Variants in ZNFX1 observed in about 807,000 individuals in gnomAD.
ZNFX1 encodes NFX1-type zinc finger-containing protein 1.
Under a neutral mutation model 179.8 loss-of-function variants are expected in ZNFX1, and 78 were observed. The observed-to-expected ratio is 0.43, with a 90% CI of 0.36 to 0.52. The LOEUF (loss-of-function observed/expected upper bound fraction) is 0.52. Among genes scored for constraint, ZNFX1 ranks in the 20% least tolerant of loss-of-function variants. The pLI, the probability that ZNFX1 is intolerant of heterozygous loss-of-function variation, is 0.00. For missense variants in ZNFX1, 1,927 were observed against 2,386.6 expected (o/e 0.81, Z 4.01); for synonymous variants, 848 against 868.5 (o/e 0.98, Z 0.42).
In ZNFX1 at chr20:49,271,769, T is replaced by G. The variant is rs774824088; in HGVS notation, c.62-19A>C. ...ACAGGGCCTAAACACAATGAAATAT[T>G]GAGTAACCACAAGAACCAAGTTCTG... On this transcript the variant is annotated intron_variant, in intron 2 of 13. Transcript: ENST00000396105. 2 of 1,574,706 alleles carry G rather than the reference T, an allele frequency of 1.3e-6. No individual in the cohort carries two copies. The highest frequency in any genetic ancestry group is 4.5e-5 in the East Asian group (2 of 44,376).
chr20:49,254,604 G>A lies in ZNFX1; in HGVS notation c.2850C>T (p.Leu950=). 1 of 1,614,184 alleles carries A rather than the reference G, an allele frequency of 6.2e-7. No individual in the cohort carries two copies. The highest frequency in any genetic ancestry group is 8.5e-7 in the Non-Finnish European group (1 of 1,180,038). The change falls in exon 10 of 14, where the codon CTC becomes CTT. Residue 950 remains leucine, a synonymous_variant. Transcript: ENST00000396105. Reference sequence around the variant, plus strand: ...ATGTGCGGTACTGGCGTTCATAGCTGAGGATCTTCCGGCGGGTGTCAGCCT... The same window carrying A: ...ATGTGCGGTACTGGCGTTCATAGCTAAGGATCTTCCGGCGGGTGTCAGCCT... ...LYQADTRRKI[L]SYERQYRTSA... is the part of the protein sequence containing the mutation.
chr20:49,247,653 C>T lies in ZNFX1; in HGVS notation c.5371G>A (p.Val1791Ile). ...KDSIAVEVYS[V>I]QNILEKTCKF... ...CATGTTTTCTCAAGGATATTCTGGA[C>T]ACTATAGACCTCTACTGCTATGCTA... Residue 1791 changes from valine (V) to isoleucine (I), a missense_variant, in exon 14 of 14, where the codon GTC becomes ATC. Val to Ile is a conservative substitution (Grantham distance 29). Coordinates refer to ENST00000396105, the MANE Select transcript of ZNFX1 (RefSeq NM_021035.3). The T allele has an allele frequency of 1.9e-6, 3 of 1,614,220 alleles. No individual in the cohort carries two copies. The highest frequency in any genetic ancestry group is 2.5e-6 in the Non-Finnish European group (3 of 1,180,046).
Position 49,257,664 on chromosome 20 carries a change from G to T in ZNFX1, c.2417C>A (p.Ala806Asp). The T allele has an allele frequency of 6.2e-7, 1 of 1,612,830 alleles. No homozygotes were observed. The stretch of plus-strand genomic sequence containing the variant: ...TTCCTCCTCATCCCCTTCTGCCTGG[G>T]CTAAGAGAGAGAAACAGGCAGGAGA... The part of the protein sequence containing the change: ...SVSPAGPENT[A>D]QAEGDEEEEG... The change falls in exon 8 of 14, where the codon GCC (alanine) becomes GAC (aspartate). Residue 806 changes from alanine (A) to aspartate (D), a missense_variant and splice_region_variant. Coordinates refer to ENST00000396105, the MANE Select transcript of ZNFX1 (RefSeq NM_021035.3).
chr20:49,256,626 G>A (rs945106205), intron 8 of ZNFX1, among the ~76,000 whole-genome samples: 26 of 152,154 alleles, frequency 1.7e-4, no homozygotes, highest in African/African-American at 5.6e-4. Context: ...AGATCTTCCC[G>A]CTGCTTCAAA....
rs770369042 is a variant in ZNFX1, at chr20:49,249,049, G to T, written c.3975C>A (p.Val1325=). 11 of 1,614,122 alleles carry T rather than the reference G, an allele frequency of 6.8e-6. No individual in the cohort carries two copies. In the East Asian group the frequency reaches 2.4e-4, roughly 36 times the overall value. ...GACACCGGTGCCCTTCCTGACAGAT[G>T]ACCTTCTGGCATGGCTTCATGCATT... ...EFQCMKPCQK[V]ICQEGHRCPL... is the part of the protein sequence containing the mutation. Residue 1325 remains valine (V), a synonymous_variant, in exon 14 of 14, where the codon GTC becomes GTA. Transcript: ENST00000396105.
chr20:49,249,609 C>G lies in ZNFX1; in HGVS notation c.3415G>C (p.Glu1139Gln). The change falls in exon 14 of 14, where the codon GAG becomes CAG. Residue 1139 changes from glutamate (E) to glutamine (Q), a missense_variant. Transcript: ENST00000396105. ...QNQHEAHFVVELCKYFLCQEY... is the reference protein window; with the variant it reads ...QNQHEAHFVVQLCKYFLCQEY... ...TGGCACAGGAAGTACTTGCACAGCT[C>G]TACCACAAAGTGAGCCTCATGCTGG... 6.2e-7 allele frequency: 1 copy of G among 1,614,234 alleles called. No individual in the cohort carries two copies. Among genetic ancestry groups the G allele is most frequent in the Non-Finnish European group, 8.5e-7 (1 of 1,180,044 alleles).
chr20:49,255,126 C>T (rs1158773962), intron 9 of ZNFX1, among the ~76,000 whole-genome samples: 1 of 150,890 alleles, frequency 6.6e-6, no homozygotes, highest in Non-Finnish European at 1.5e-5. Flanking sequence ...CTCACTACAA[C>T]CTCCACCTCC....
chr20:49,249,336 A>G lies in ZNFX1; in HGVS notation c.3688T>C (p.Cys1230Arg). The G allele has an allele frequency of 6.2e-7, 1 of 1,614,268 alleles. No homozygotes were observed. The highest frequency in any genetic ancestry group is 8.5e-7 in the Non-Finnish European group (1 of 1,180,050). Residue 1230 changes from cysteine (C) to arginine (R), a missense_variant, in exon 14 of 14, where the codon TGC becomes CGC. Cys to Arg is a radical substitution (Grantham distance 180). Coordinates refer to ENST00000396105, the MANE Select transcript of ZNFX1 (RefSeq NM_021035.3). ...GCCAGCATCTGCATGTTTCCGATGC[A>G]GTACATTCCCTTCTTGGCTCGGGAC... ...ALSRAKKGMY[C>R]IGNMQMLAKV...
In ZNFX1 at chr20:49,270,671, C is replaced by T. The variant is rs752089559; in HGVS notation, c.1141G>A (p.Val381Ile). 3.1e-5 allele frequency: 50 copies of T among 1,614,016 alleles called. No individual in the cohort carries two copies. The highest frequency in any genetic ancestry group is 1.6e-4 in the African/African-American group (12 of 74,892). Reference sequence around the variant, plus strand: ...AAAATACCTTCCCGTAAAGGTCTGACGAAATCTTCTCGCAGGAGCCGGAAG... The same window carrying T: ...AAAATACCTTCCCGTAAAGGTCTGATGAAATCTTCTCGCAGGAGCCGGAAG... ...THFRLLREDF[V>I]RPLREGILEL... The change falls in exon 3 of 14, where the codon GTC (valine) becomes ATC (isoleucine). Residue 381 changes from valine (V) to isoleucine (I), a missense_variant. Transcript: ENST00000396105. This position sits in a 1 kb window ranked among gnomAD's most constrained non-coding sequence, Gnocchi z 4.6.
intron 2 of ZNFX1, 146 bp from the exon 3 acceptor site, chr20:49,271,896 A>ACT: frequency 1.3e-5 from 12 of 945,046 alleles, no homozygotes; most frequent in Non-Finnish European, 1.5e-5. Flanking sequence ...ACCAAGTCAT[A>ACT]TGATAAATGA....
chr20:49,267,179 A>G (rs937270116), intron 3 of ZNFX1, among the ~76,000 whole-genome samples: 4 of 152,190 alleles, frequency 2.6e-5, no homozygotes, highest in Non-Finnish European at 5.9e-5. Context: ...TACAGGCGTG[A>G]GCCACCATGC....
chr20:49,252,879 A>C (rs761772646), intron 11 of ZNFX1, 49 bp from the exon 12 acceptor site: 1 of 1,412,498 alleles, frequency 7.1e-7, no homozygotes, highest in African/African-American at 1.4e-5. Context: ...AAGTCATTTA[A>C]CCATCCATAC....
At position 49,249,049 on chromosome 20, in the gene ZNFX1, G is replaced by A. The variant is rs770369042; in HGVS notation, c.3975C>T (p.Val1325=). 3.1e-6 allele frequency: 5 copies of A among 1,614,122 alleles called. No homozygotes were observed. Among genetic ancestry groups the A allele is most frequent in the Non-Finnish European group, 2.5e-6 (3 of 1,180,046 alleles). Residue 1325 remains valine (V), a synonymous_variant, in exon 14 of 14, where the codon GTC becomes GTT. Coordinates refer to ENST00000396105, the MANE Select transcript of ZNFX1 (RefSeq NM_021035.3). ...GACACCGGTGCCCTTCCTGACAGAT[G>A]ACCTTCTGGCATGGCTTCATGCATT... ...EFQCMKPCQK[V]ICQEGHRCPL...
chr20:49,271,724 TTGG>T lies in ZNFX1; in HGVS notation c.85_87del (p.Pro29del), dbSNP rs1981408966. 6.2e-7 allele frequency: 1 copy of T among 1,613,288 alleles called. No homozygotes were observed. The highest frequency in any genetic ancestry group is 1.3e-5 in the African/African-American group (1 of 74,886). On this transcript the variant is annotated inframe_deletion, in exon 3 of 14. Coordinates refer to ENST00000396105, the MANE Select transcript of ZNFX1 (RefSeq NM_021035.3). ...GGGTTATTGGCCTGATTTCTAGCTC[TTGG>T]TGGTAACTCTCCATCCACAGGGCCT...
chr20:49,250,213 C>A (rs1384517136), intron 13 of ZNFX1, among the ~76,000 whole-genome samples: 1 of 152,126 alleles, frequency 6.6e-6, no homozygotes, highest in Non-Finnish European at 1.5e-5. Context: ...CGAGATCATG[C>A]CACTGCACTC....
chr20:49,268,912 G>A (rs545941724), intron 3 of ZNFX1, among the ~76,000 whole-genome samples: 2 of 152,356 alleles, frequency 1.3e-5, no homozygotes, highest in South Asian at 4.1e-4. Flanking sequence ...TGGTGGGAAT[G>A]TACATTAGTT....
Position 49,275,893 on chromosome 20 carries a change from CAT to C in ZNFX1, c.-48-8_-48-7del, listed in dbSNP as rs1454302392. The C allele has an allele frequency of 3.0e-5, 48 of 1,592,550 alleles. No individual in the cohort carries two copies. Among genetic ancestry groups the C allele is most frequent in the Admixed American group, 6.7e-5 (4 of 59,898 alleles). On this transcript the variant is annotated splice_polypyrimidine_tract_variant and splice_region_variant and intron_variant, in intron 1 of 13. Transcript: ENST00000396105. ...ACTTTCTGTTATCTGGAAAACTGCA[CAT>C]GTTGAGTTATCAGTGTCCTCGAAAC...
At position 49,254,608 on chromosome 20, in the gene ZNFX1, A is replaced by C; in HGVS notation, c.2846T>G (p.Ile949Ser). The C allele has an allele frequency of 6.2e-7, 1 of 1,614,098 alleles. No individual in the cohort carries two copies. The highest frequency in any genetic ancestry group is 1.1e-5 in the South Asian group (1 of 91,086). ...GCGGTACTGGCGTTCATAGCTGAGG[A>C]TCTTCCGGCGGGTGTCAGCCTGGTA... Reference protein sequence around the residue: ...QLYQADTRRKILSYERQYRTS... With the variant: ...QLYQADTRRKSLSYERQYRTS... The change falls in exon 10 of 14, where the codon ATC becomes AGC. Residue 949 changes from isoleucine to serine, a missense_variant. Transcript: ENST00000396105.
intron 1 of ZNFX1, among the ~76,000 whole-genome samples, chr20:49,276,827 C>T (rs1417048423): frequency 1.3e-5 from 2 of 152,190 alleles, no homozygotes; most frequent in African/African-American, 4.8e-5. Context: ...TTTCTTCCCC[C>T]TGGGAATATC....
Sources: allele counts gnomAD v4.1 joint callset (sites outside exome capture counted in the v4.1 genomes callset), GRCh38; gene constraint gnomAD v4.1.1; non-coding constraint Gnocchi (gnomAD v3.1); transcripts MANE v1.5; gene names NCBI Gene and HGNC (gene_info 2026-07-23, HGNC 2026-07-21).